LDLRAD4: variants seen among roughly 807,000 people sequenced by gnomAD.
The protein encoded by LDLRAD4 is low density lipoprotein receptor class A domain containing 4.
A neutral mutation model predicts 17.0 loss-of-function variants in LDLRAD4; 5 were observed. That is an observed-to-expected ratio of 0.29 (90% CI 0.15 to 0.62). The LOEUF (loss-of-function observed/expected upper bound fraction) is 0.62, where lower values mean the gene tolerates loss of function less well. Among genes scored for constraint, LDLRAD4 ranks in the 20% least tolerant of loss-of-function variants. The pLI, the probability that LDLRAD4 is intolerant of heterozygous loss-of-function variation, is 0.84. For missense variants in LDLRAD4, 340 were observed against 424.7 expected (o/e 0.80, Z 1.75); for synonymous variants, 168 against 171.8 (o/e 0.98, Z 0.17).
intron 3 of LDLRAD4, among the ~76,000 whole-genome samples, chr18:13,499,033 C>G (rs2093554158): frequency 6.7e-6 from 1 of 150,288 alleles, no homozygotes; most frequent in Admixed American, 6.6e-5. Flanking sequence ...TCTTGCCACA[C>G]ACGTCCTGCC....
At chr18:13,482,399 C>G (rs959005538) in intron 3 of LDLRAD4, among the ~76,000 whole-genome samples, 2 of 152,240 alleles carry the variant, frequency 1.3e-5, no homozygotes, top group Non-Finnish European at 2.9e-5. Context: ...GTCCCACCTT[C>G]CCCACAGCTG....
rs143237637 is a variant in LDLRAD4, at chr18:13,562,060, G to A, written c.182-59057G>A. On this transcript the variant is annotated intron_variant, in intron 3 of 5. Transcript: ENST00000359446. Reference sequence around the variant, plus strand: ...TCTCCTCTCTGGCATGGTAGAGTGAGAACTTCCTGGTCCTATAGATCCAGG... The same window carrying A: ...TCTCCTCTCTGGCATGGTAGAGTGAAAACTTCCTGGTCCTATAGATCCAGG... 3.3e-4 allele frequency among the ~76,000 whole-genome samples: 51 copies of A among 152,372 alleles called. No individual in the cohort carries two copies. The East Asian group carries it at 7.1e-3, about 21-fold the overall frequency.
At chr18:13,476,716 G>A (rs2092949637) in intron 3 of LDLRAD4, among the ~76,000 whole-genome samples, 2 of 151,950 alleles carry the variant, frequency 1.3e-5, no homozygotes, top group Admixed American at 1.3e-4. Flanking sequence ...GGCCCTCTCT[G>A]TCTCCTCCAC....
At chr18:13,344,593 A>G (rs1471875366) in intron 1 of LDLRAD4, among the ~76,000 whole-genome samples, 1 of 152,166 alleles carries the variant, frequency 6.6e-6, no homozygotes, top group Non-Finnish European at 1.5e-5. Flanking sequence ...TGTGAACTTT[A>G]AAGTAGTTTT....
intron 1 of LDLRAD4, among the ~76,000 whole-genome samples, chr18:13,337,559 G>C (rs995099178): frequency 2.0e-5 from 3 of 152,064 alleles, no homozygotes; most frequent in African/African-American, 2.4e-5. Flanking sequence ...TAAGCAACTT[G>C]ATCAGTGTTA....
At chr18:13,351,899 A>G (rs143662592) in intron 1 of LDLRAD4, among the ~76,000 whole-genome samples, 6 of 152,328 alleles carry the variant, frequency 3.9e-5, no homozygotes, top group South Asian at 4.2e-4. Context: ...GCAGCACATC[A>G]AAAAGCTTAT....
At chr18:13,330,682 A>G (rs1380944870) in intron 1 of LDLRAD4, among the ~76,000 whole-genome samples, 1 of 152,140 alleles carries the variant, frequency 6.6e-6, no homozygotes, top group Non-Finnish European at 1.5e-5. Flanking sequence ...TAGAATCTCC[A>G]CAGTGATGTC....
chr18:13,525,055 G>A (rs532586504), intron 3 of LDLRAD4, among the ~76,000 whole-genome samples: 214 of 152,312 alleles, frequency 1.4e-3, no homozygotes, highest in African/African-American at 4.6e-3. Context: ...GGATGTGTGC[G>A]TGCTTGCGGG....
At chr18:13,556,594 G>A (rs552802825) in intron 3 of LDLRAD4, among the ~76,000 whole-genome samples, 6 of 152,266 alleles carry the variant, frequency 3.9e-5, no homozygotes, top group Admixed American at 2.0e-4. Flanking sequence ...TAGAGAACAA[G>A]GAAAGCTTCA....
chr18:13,524,687 G>T (rs950999114), intron 3 of LDLRAD4, among the ~76,000 whole-genome samples: 1 of 152,130 alleles, frequency 6.6e-6, no homozygotes, highest in Non-Finnish European at 1.5e-5. Flanking sequence ...GCTCATTCCA[G>T]CAAAAGCCGA....
chr18:13,387,527 C>G (rs981797014), exon 2 of LDLRAD4: 2 of 539,222 alleles, frequency 3.7e-6, no homozygotes, highest in Non-Finnish European at 6.6e-6. Context: ...CAGGGACCGC[C>G]GCCGCCCAGG....
At chr18:13,355,737 T>A (rs771404494) in intron 1 of LDLRAD4, among the ~76,000 whole-genome samples, 1 of 152,086 alleles carries the variant, frequency 6.6e-6, no homozygotes, top group Non-Finnish European at 1.5e-5. Context: ...GCTCAAGGGA[T>A]CCTCCCACCT....
intron 3 of LDLRAD4, among the ~76,000 whole-genome samples, chr18:13,598,331 C>T (rs2095119323): frequency 6.6e-6 from 1 of 152,208 alleles, no homozygotes; most frequent in African/African-American, 2.4e-5. Flanking sequence ...TAGCAGAGCT[C>T]TCTTTGTTTC....
intron 1 of LDLRAD4, among the ~76,000 whole-genome samples, chr18:13,228,647 G>C (rs2041925996): frequency 6.6e-6 from 1 of 152,134 alleles, no homozygotes; most frequent in African/African-American, 2.4e-5. Flanking sequence ...CACAAGGCTG[G>C]AGTTTGAGAC....
At chr18:13,562,184 A>T (rs2094548615) in intron 3 of LDLRAD4, among the ~76,000 whole-genome samples, 1 of 152,210 alleles carries the variant, frequency 6.6e-6, no homozygotes, top group Non-Finnish European at 1.5e-5. Flanking sequence ...GTGAAAGGTG[A>T]TCATCACACC....
chr18:13,545,055 G>A (rs1456355920), intron 3 of LDLRAD4, among the ~76,000 whole-genome samples: 4 of 152,064 alleles, frequency 2.6e-5, no homozygotes, highest in African/African-American at 9.7e-5. Context: ...TAACGGCCAC[G>A]CAATCTAGCC....
At chr18:13,273,164 A>G (rs1319062791), upstream of LDLRAD4, among the ~76,000 whole-genome samples, 1 of 152,188 alleles carries the variant, frequency 6.6e-6, no homozygotes, top group South Asian at 2.1e-4. Context: ...TCTGAAAAAA[A>G]CATCATAAAG....
chr18:13,438,279 T>A (rs771012364), exon 3 of LDLRAD4: 1 of 1,613,974 alleles, frequency 6.2e-7, no homozygotes, highest in Non-Finnish European at 8.5e-7. Flanking sequence ...TAAATGCTTG[T>A]ATCTTGGTTC....
At chr18:13,445,976 T>A (rs1057369193) in intron 3 of LDLRAD4, among the ~76,000 whole-genome samples, 4 of 152,208 alleles carry the variant, frequency 2.6e-5, no homozygotes, top group Non-Finnish European at 5.9e-5. Flanking sequence ...GGTATCTCTT[T>A]CAAAGGGTTG....
Sources: allele counts gnomAD v4.1 joint callset (sites outside exome capture counted in the v4.1 genomes callset), GRCh38; gene constraint gnomAD v4.1.1; transcripts MANE v1.5; gene names NCBI Gene and HGNC (gene_info 2026-07-23, HGNC 2026-07-21).